Variants in ZFP69 observed in about 807,000 individuals in gnomAD.
The protein encoded by ZFP69 is zinc finger protein 69 homolog.
Under a neutral mutation model 48.9 loss-of-function variants are expected in ZFP69, and 35 were observed. That is an observed-to-expected ratio of 0.72 (90% CI 0.55 to 0.95). ZFP69 has a LOEUF of 0.95. ZFP69 is among the 40% of genes least tolerant of loss of function. ZFP69 has a pLI of 0.00. For synonymous variants in ZFP69, 193 were observed against 216.8 expected, an observed-to-expected ratio of 0.89 and a Z score of 0.96; for missense variants, 557 against 638.4, an observed-to-expected ratio of 0.87 and a Z score of 1.37.
In ZFP69 at chr1:40,496,039, G is replaced by A. The variant is rs752158456; in HGVS notation, c.1561G>A (p.Ala521Thr). The change falls in exon 6 of 6, where the codon GCC (alanine) becomes ACC (threonine). Residue 521 changes from alanine (A) to threonine (T), a missense_variant. Ala to Thr is a moderately conservative substitution (Grantham distance 58). Transcript: ENST00000372706. ...SRHHEIHRRN[A>T]FRNKV Reference sequence around the variant, plus strand: ...ACATCATGAAATACACAGGAGGAACGCCTTCCGAAATAAGGTGTAAAAACA... The same window carrying A: ...ACATCATGAAATACACAGGAGGAACACCTTCCGAAATAAGGTGTAAAAACA... 8 of 1,590,804 alleles carry A rather than the reference G, an allele frequency of 5.0e-6. No individual in the cohort carries two copies. The highest frequency in any genetic ancestry group is 1.1e-5 in the South Asian group (1 of 88,384).
chr1:40,485,937 T>C (rs1645491497), intron 3 of ZFP69, among the ~76,000 whole-genome samples: 1 of 152,172 alleles, frequency 6.6e-6, no homozygotes, highest in African/African-American at 2.4e-5. Flanking sequence ...GGAGTCTTGC[T>C]CTGTCACCCA....
In ZFP69 at chr1:40,494,932, A is replaced by G; in HGVS notation, c.454A>G (p.Lys152Glu). The change falls in exon 6 of 6, where the codon AAA (lysine) becomes GAA (glutamate). Residue 152 changes from lysine to glutamate, a missense_variant. Physicochemically the swap from Lys to Glu is moderately conservative, Grantham distance 56. Coordinates refer to ENST00000372706, the MANE Select transcript of ZFP69 (RefSeq NM_001320179.2). ...TTCATTTCTTTCAGACTTGAAGAGT[A>G]AAATAGAAACCATTGAGTCAACTGC... ...PGDPSSDLKS[K>E]IETIESTAKS... The G allele has an allele frequency of 6.2e-7, 1 of 1,607,808 alleles. No individual in the cohort carries two copies. Among genetic ancestry groups the G allele is most frequent in the Non-Finnish European group, 8.5e-7 (1 of 1,177,854 alleles).
intron 3 of ZFP69, among the ~76,000 whole-genome samples, chr1:40,487,472 T>G (rs553258205): frequency 2.0e-4 from 31 of 152,292 alleles, no homozygotes; most frequent in Admixed American, 4.6e-4. Flanking sequence ...GTATCTATTA[T>G]AAAAAGTTAA....
In ZFP69 at chr1:40,477,818, C is replaced by T. The variant is rs558251355; in HGVS notation, c.-403C>T. 6.6e-6 allele frequency: 1 copy of T among 152,542 alleles called. No homozygotes were observed. Among genetic ancestry groups the T allele is most frequent in the East Asian group, 1.9e-4 (1 of 5,174 alleles). 9.4% of individuals were successfully genotyped at this position (152,542 alleles called of 1,614,324 possible). A position where few individuals can be genotyped will look rare whatever the true frequency, so the allele number is the denominator to read the frequency against. On this transcript the variant is annotated 5_prime_UTR_variant, in exon 1 of 6. Transcript: ENST00000372706. This position sits in a 1 kb window ranked among gnomAD's most constrained non-coding sequence, Gnocchi z 4.0. ...CTCAGTCCGTCTCTAAAGAGACACT[C>T]TTTACCGCTGAAAACCTCAAGAGTG...
intron 3 of ZFP69, among the ~76,000 whole-genome samples, chr1:40,482,568 G>C (rs1645453194): frequency 6.6e-6 from 1 of 152,174 alleles, no homozygotes. Flanking sequence ...AAATTAGATG[G>C]TATAACATTT....
chr1:40,491,027 C>G (rs2124457511), intron 5 of ZFP69: 1 of 152,242 alleles, frequency 6.6e-6, no homozygotes, highest in Admixed American at 6.5e-5. Flanking sequence ...AAATATTATT[C>G]CCATGTCTTC....
At chr1:40,494,292 G>T (rs1207726289) in intron 5 of ZFP69, among the ~76,000 whole-genome samples, 1 of 101,518 alleles carries the variant, frequency 9.9e-6, no homozygotes, top group African/African-American at 4.0e-5. Flanking sequence ...TTTTTGAGAC[G>T]GAGTCTCGCT....
At chr1:40,480,586 A>G (rs1645434067) in intron 2 of ZFP69, among the ~76,000 whole-genome samples, 1 of 151,922 alleles carries the variant, frequency 6.6e-6, no homozygotes, top group South Asian at 2.1e-4. Context: ...AAACCATGCA[A>G]TTTTCAAACA....
At chr1:40,485,897 T>C (rs1450201143) in intron 3 of ZFP69, among the ~76,000 whole-genome samples, 1 of 151,978 alleles carries the variant, frequency 6.6e-6, no homozygotes, top group Non-Finnish European at 1.5e-5. Flanking sequence ...ATAGGTGTGA[T>C]TTGTTGTTGT....
At position 40,495,117 on chromosome 1, in the gene ZFP69, C is replaced by T; in HGVS notation, c.639C>T (p.Ile213=). The part of the protein sequence containing the change: ...ETCMRDVRQA[I]LTHKKRVQET... ...GTATGAGAGATGTGAGACAAGCCATCTTGACCCATAAGAAGAGAGTCCAAG... is the reference window on the plus strand; with the variant it reads ...GTATGAGAGATGTGAGACAAGCCATTTTGACCCATAAGAAGAGAGTCCAAG... The change falls in exon 6 of 6, where the codon ATC becomes ATT. Residue 213 remains isoleucine (I), a synonymous_variant. Transcript: ENST00000372706. 1.9e-6 allele frequency: 3 copies of T among 1,614,052 alleles called. No individual in the cohort carries two copies. The highest frequency in any genetic ancestry group is 2.5e-6 in the Non-Finnish European group (3 of 1,180,014).
chr1:40,482,170 A>G (rs1418186029), intron 3 of ZFP69, among the ~76,000 whole-genome samples: 1 of 151,902 alleles, frequency 6.6e-6, no homozygotes, highest in Non-Finnish European at 1.5e-5. Flanking sequence ...CCGATACCAC[A>G]TGAGATCTAA....
intron 3 of ZFP69, 87 bp downstream of exon 3, chr1:40,481,941 G>A: frequency 2.1e-6 from 2 of 947,968 alleles, no homozygotes; most frequent in South Asian, 1.7e-5. Context: ...GGTGGGAGTG[G>A]TGGTGAGGTA....
intron 1 of ZFP69, 53 bp from the exon 2 acceptor site, chr1:40,478,983 T>C (rs1645417284): frequency 4.1e-6 from 1 of 246,502 alleles, no homozygotes; most frequent in South Asian, 4.7e-5. Flanking sequence ...TATTTATTCC[T>C]GCATGGATAT....
intron 5 of ZFP69, chr1:40,491,281 T>C (rs193281784): frequency 1.3e-5 from 2 of 152,342 alleles, no homozygotes; most frequent in Admixed American, 6.5e-5. Context: ...GACATTTACA[T>C]TGTTTCCAAA....
intron 3 of ZFP69, among the ~76,000 whole-genome samples, chr1:40,488,149 C>T (rs1210534096): frequency 7.1e-6 from 1 of 141,690 alleles, no homozygotes; most frequent in East Asian, 2.0e-4. Flanking sequence ...TACATACATA[C>T]ATGTGTGTGT....
At chr1:40,489,506 T>A (rs747575513) in intron 4 of ZFP69, 23 bp from the exon 5 acceptor site, 2 of 1,593,764 alleles carry the variant, frequency 1.3e-6, no homozygotes, top group East Asian at 4.5e-5. Context: ...ACATTCACAC[T>A]GTTTTTTTTA....
intron 3 of ZFP69, among the ~76,000 whole-genome samples, chr1:40,488,029 A>G (rs1645520588): frequency 7.1e-6 from 1 of 141,776 alleles, no homozygotes; most frequent in Admixed American, 7.3e-5. Flanking sequence ...CAACAGGGTG[A>G]GACTCTGTCT....
intron 5 of ZFP69, among the ~76,000 whole-genome samples, chr1:40,489,910 G>C (rs1645548205): frequency 7.3e-6 from 1 of 136,706 alleles, no homozygotes; most frequent in African/African-American, 2.8e-5. Context: ...TCGCACTGTC[G>C]CCAGGCTGGA....
intron 3 of ZFP69, among the ~76,000 whole-genome samples, chr1:40,485,524 G>GA (rs1645487946): frequency 6.6e-6 from 1 of 151,886 alleles, no homozygotes; most frequent in Admixed American, 6.5e-5. Flanking sequence ...TATGAAAATG[G>GA]AAAAAAACAT....
Sources: gnomAD v4.1 joint callset for allele counts (sites outside exome capture counted in the v4.1 genomes callset) on GRCh38, gnomAD v4.1.1 for gene constraint, Gnocchi (gnomAD v3.1) non-coding constraint, MANE v1.5 for transcripts, NCBI Gene and HGNC (gene_info 2026-07-23, HGNC 2026-07-21) for gene names.